Variants in SLC35F4 observed in about 807,000 individuals in gnomAD.
The protein encoded by SLC35F4 is chromosome 14 open reading frame 36.
SLC35F4 carries 24 observed loss-of-function variants against 44.2 expected under a neutral mutation model. The ratio of observed to expected loss-of-function variants is 0.54; its 90% CI spans 0.39 to 0.76. SLC35F4 has a LOEUF of 0.76. Ranked by LOEUF, SLC35F4 falls within the 30% of genes least tolerant of loss-of-function variation. The pLI, the probability that SLC35F4 is intolerant of heterozygous loss-of-function variation, is 0.00. For missense variants in SLC35F4, 562 were observed against 586.1 expected (o/e 0.96, Z 0.42); for synonymous variants, 238 against 223.6 (o/e 1.06, Z -0.57).
At chr14:57,657,859 G>A (rs1264448513) in intron 1 of SLC35F4, among the ~76,000 whole-genome samples, 4 of 152,194 alleles carry the variant, frequency 2.6e-5, no homozygotes, top group Admixed American at 2.6e-4. Context: ...TTAGTTCTGT[G>A]TTTGTCACTA....
intron 1 of SLC35F4, among the ~76,000 whole-genome samples, chr14:57,645,349 G>T (rs1339766559): frequency 1.2e-4 from 18 of 152,128 alleles, no homozygotes; most frequent in Admixed American, 4.6e-4. Flanking sequence ...CCCTTGTAAG[G>T]TGGATTCCTA....
At chr14:57,650,792 C>T (rs1337723132) in intron 1 of SLC35F4, among the ~76,000 whole-genome samples, 1 of 152,152 alleles carries the variant, frequency 6.6e-6, no homozygotes, top group African/African-American at 2.4e-5. Context: ...CCTCATGGCC[C>T]TCCTTCTTTC....
chr14:57,637,037 G>A (rs2073042716), intron 1 of SLC35F4, among the ~76,000 whole-genome samples: 2 of 152,100 alleles, frequency 1.3e-5, no homozygotes, highest in Non-Finnish European at 2.9e-5. Flanking sequence ...ATCCCTGAAT[G>A]AATCTTACGT....
intron 1 of SLC35F4, among the ~76,000 whole-genome samples, chr14:57,944,473 T>C (rs1408166929): frequency 6.6e-6 from 1 of 152,136 alleles, no homozygotes; most frequent in African/African-American, 2.4e-5. Context: ...ACTGTTTACA[T>C]TTCCCTCATC....
chr14:57,635,404 G>A (rs961748080), intron 1 of SLC35F4, among the ~76,000 whole-genome samples: 2 of 152,056 alleles, frequency 1.3e-5, no homozygotes, highest in Admixed American at 1.3e-4. Flanking sequence ...TTTCAGATGT[G>A]TTAAGTTTCA....
At chr14:57,664,925 G>C (rs192483629) in intron 1 of SLC35F4, among the ~76,000 whole-genome samples, 1 of 152,216 alleles carries the variant, frequency 6.6e-6, no homozygotes, top group East Asian at 1.9e-4. Context: ...CAAGCAATGA[G>C]AGTAAAAAGT....
intron 1 of SLC35F4, among the ~76,000 whole-genome samples, chr14:57,962,250 G>C (rs1313143382): frequency 3.3e-5 from 5 of 152,092 alleles, no homozygotes; most frequent in African/African-American, 1.2e-4. Flanking sequence ...GTACTGAATG[G>C]ACCAAGAGTC....
chr14:57,667,747 G>C, intron 1 of SLC35F4, among the ~76,000 whole-genome samples: 1 of 151,520 alleles, frequency 6.6e-6, no homozygotes, highest in East Asian at 1.9e-4. Context: ...TTGGACATTT[G>C]GGTTGGTTCC....
chr14:57,785,299 G>C (rs979914266), intron 1 of SLC35F4, among the ~76,000 whole-genome samples: 3 of 152,168 alleles, frequency 2.0e-5, no homozygotes, highest in Admixed American at 6.5e-5. Context: ...TCTTGGCCAA[G>C]GGCAACAAAC....
intron 1 of SLC35F4, among the ~76,000 whole-genome samples, chr14:57,786,793 C>T (rs2077772322): frequency 6.6e-6 from 1 of 152,296 alleles, no homozygotes; most frequent in African/African-American, 2.4e-5. Context: ...TTCCCTCTGA[C>T]AGAGCCTGCC....
intron 1 of SLC35F4, among the ~76,000 whole-genome samples, chr14:57,803,099 A>G (rs748824067): frequency 1.2e-4 from 19 of 152,098 alleles, no homozygotes; most frequent in Non-Finnish European, 2.1e-4. Context: ...CAAAAAGCTT[A>G]TCCACCATGA....
intron 4 of SLC35F4, among the ~76,000 whole-genome samples, chr14:57,572,595 G>A (rs1435565628): frequency 6.6e-6 from 1 of 152,202 alleles, no homozygotes; most frequent in African/African-American, 2.4e-5. Context: ...AGTCTGCACT[G>A]TCACTTGGAA....
At chr14:57,602,183 C>T (rs1481007565) in intron 1 of SLC35F4, among the ~76,000 whole-genome samples, 1 of 150,698 alleles carries the variant, frequency 6.6e-6, no homozygotes, top group South Asian at 2.1e-4. Flanking sequence ...AAAAAAAATG[C>T]TTCATAGAGG....
intron 1 of SLC35F4, among the ~76,000 whole-genome samples, chr14:57,959,279 T>C (rs1005295465): frequency 6.6e-6 from 1 of 152,214 alleles, no homozygotes; most frequent in Non-Finnish European, 1.5e-5. Flanking sequence ...GGCTTCTCAC[T>C]TATGGTAGTA....
chr14:57,870,685 C>T (rs929968312), upstream of SLC35F4, among the ~76,000 whole-genome samples: 7 of 152,268 alleles, frequency 4.6e-5, no homozygotes, highest in South Asian at 1.0e-3. Context: ...AAATATTTTA[C>T]GAAGGCCTGG....
At chr14:57,694,462 C>T (rs145113383) in intron 1 of SLC35F4, among the ~76,000 whole-genome samples, 1 of 152,072 alleles carries the variant, frequency 6.6e-6, no homozygotes, top group African/African-American at 2.4e-5. Flanking sequence ...TTCTGTAGCT[C>T]TAATGTACTC....
At chr14:57,615,852 T>C (rs147585915) in intron 1 of SLC35F4, among the ~76,000 whole-genome samples, 7 of 152,302 alleles carry the variant, frequency 4.6e-5, no homozygotes, top group African/African-American at 1.7e-4. Flanking sequence ...GAGGGTTAGA[T>C]CTGGAGCTTT....
At chr14:57,981,245 G>A (rs1257010229) in intron 1 of SLC35F4, among the ~76,000 whole-genome samples, 3 of 152,198 alleles carry the variant, frequency 2.0e-5, no homozygotes, top group Non-Finnish European at 2.9e-5. Context: ...TGTGCTTGAG[G>A]AGAATTATAA....
chr14:57,675,209 A>C (rs537338309), intron 1 of SLC35F4, among the ~76,000 whole-genome samples: 1 of 152,208 alleles, frequency 6.6e-6, no homozygotes, highest in Non-Finnish European at 1.5e-5. Context: ...GTCAAAACTC[A>C]GTGAAAGTAC....
Sources: gnomAD v4.1 joint callset for allele counts (sites outside exome capture counted in the v4.1 genomes callset) on GRCh38, gnomAD v4.1.1 for gene constraint, MANE v1.5 for transcripts, NCBI Gene and HGNC (gene_info 2026-07-23, HGNC 2026-07-21) for gene names.